Variants in RSPH14 observed in about 807,000 individuals in gnomAD.
RSPH14 encodes the protein rhabdoid tumor deletion region gene 1.
Under a neutral mutation model 26.7 loss-of-function variants are expected in RSPH14, and 20 were observed. The ratio of observed to expected loss-of-function variants is 0.75; its 90% CI spans 0.53 to 1.09. The LOEUF is 1.09. RSPH14 is among the 50% of genes least tolerant of loss of function. The probability of loss-of-function intolerance (pLI) is 0.00; values close to 1 mark genes in which losing one functional copy is unlikely to be tolerated. For synonymous variants in RSPH14, 177 were observed against 189.3 expected, an observed-to-expected ratio of 0.93 and a Z score of 0.53; for missense variants, 449 against 457.2, an observed-to-expected ratio of 0.98 and a Z score of 0.16.
Position 23,141,936 on chromosome 22 carries a change from A to G in RSPH14, c.-53+13T>C, listed in dbSNP as rs1301855292. On this transcript the variant is annotated intron_variant, in intron 1 of 6. Transcript: ENST00000216036. Reference sequence around the variant, plus strand: ...CCTGTCCCCGGGCCCCTAGCCCACCACCGCCGCCTCACCTGCCTCCGCAGC... The same window carrying G: ...CCTGTCCCCGGGCCCCTAGCCCACCGCCGCCGCCTCACCTGCCTCCGCAGC... 7.1e-6 allele frequency: 7 copies of G among 984,332 alleles called. No individual in the cohort carries two copies. The East Asian group carries it at 4.5e-4, about 64-fold the overall frequency. The allele number at this position is 984,332 out of a possible 1,614,324, so 61.0% of individuals were successfully genotyped here.
chr22:23,168,747 A>T, the RSPH14 span, among the ~76,000 whole-genome samples: 3 of 152,122 alleles, frequency 2.0e-5, no homozygotes, highest in East Asian at 5.8e-4. Flanking sequence ...GCCACCAGCC[A>T]GTGTCTAAGC....
chr22:23,179,492 A>T, the RSPH14 span, among the ~76,000 whole-genome samples: 1 of 152,210 alleles, frequency 6.6e-6, no homozygotes, highest in African/African-American at 2.4e-5. Context: ...CAGCCCTGTG[A>T]ACCTCAGTGC....
At chr22:23,110,105 G>A (rs915866453) in intron 4 of RSPH14, among the ~76,000 whole-genome samples, 2 of 152,218 alleles carry the variant, frequency 1.3e-5, no homozygotes, top group Non-Finnish European at 2.9e-5. Context: ...CCCATTTCCT[G>A]AGGCTAGTAG....
At chr22:23,133,742 A>G (rs963634553) in intron 4 of RSPH14, among the ~76,000 whole-genome samples, 10 of 152,222 alleles carry the variant, frequency 6.6e-5, no homozygotes, top group South Asian at 2.1e-4. Context: ...GGTGCCCACC[A>G]CCATGCCCAG....
the RSPH14 span, among the ~76,000 whole-genome samples, chr22:23,169,798 G>A: frequency 6.6e-6 from 1 of 152,060 alleles, no homozygotes; most frequent in Non-Finnish European, 1.5e-5. Context: ...GGGGCCTTTG[G>A]GTGAATTAGA....
intron 1 of RSPH14, among the ~76,000 whole-genome samples, 160 bp from the exon 2 acceptor site, chr22:23,140,632 C>T (rs1179520603): frequency 6.6e-6 from 1 of 152,188 alleles, no homozygotes; most frequent in Admixed American, 6.5e-5. Flanking sequence ...TGCTCAAAGT[C>T]CCAGTGAAGG....
intron 4 of RSPH14, chr22:23,070,417 G>T (rs1438302905): frequency 1.4e-5 from 2 of 147,240 alleles, no homozygotes; most frequent in African/African-American, 4.9e-5. Context: ...GCCGGCCGGA[G>T]CGTGTGCGCC....
At chr22:23,117,452 C>T (rs565930875) in intron 4 of RSPH14, among the ~76,000 whole-genome samples, 21 of 152,322 alleles carry the variant, frequency 1.4e-4, no homozygotes, top group Admixed American at 3.9e-4. Flanking sequence ...TCTGCAGCAT[C>T]GAGACCTCTC....
rs779862408 is a variant in RSPH14, at chr22:23,136,368, G to A, written c.303-2224C>T. On this transcript the variant is annotated intron_variant, in intron 3 of 6. Coordinates refer to ENST00000216036, the MANE Select transcript of RSPH14 (RefSeq NM_014433.3). ...AGAGTTTCAACCTGGGCAGTTCAGG[G>A]CAGCTACTTAGAGCTTGATGGGCTC... 84 of 661,478 alleles carry A rather than the reference G, an allele frequency of 1.3e-4. 1 individual carries two copies. The highest frequency in any genetic ancestry group is 1.4e-5 in the Non-Finnish European group (5 of 355,812). 41.0% of individuals were successfully genotyped at this position (661,478 alleles called of 1,614,324 possible).
intron 4 of RSPH14, among the ~76,000 whole-genome samples, chr22:23,081,394 C>T (rs949049649): frequency 3.9e-5 from 6 of 152,158 alleles, no homozygotes; most frequent in East Asian, 1.9e-4. Context: ...ATAAAGTACA[C>T]GTGTGTCATT....
intron 4 of RSPH14, among the ~76,000 whole-genome samples, chr22:23,087,336 C>T (rs1433849913): frequency 6.6e-6 from 1 of 152,130 alleles, no homozygotes; most frequent in Admixed American, 6.5e-5. Context: ...CGTGGTGGCG[C>T]GTGCCTGCAG....
At chr22:23,146,478 C>T (rs2146479037), upstream of RSPH14, 1 of 1,393,918 alleles carries the variant, frequency 7.2e-7, no homozygotes, top group Non-Finnish European at 9.4e-7. Flanking sequence ...TCCCAAAGTG[C>T]TGGGATTACA....
chr22:23,147,344 T>G (rs1425236740), upstream of RSPH14, among the ~76,000 whole-genome samples: 1 of 147,620 alleles, frequency 6.8e-6, no homozygotes, highest in Non-Finnish European at 1.5e-5. Flanking sequence ...TTTTTTCTTT[T>G]TTTTTTAGAG....
chr22:23,145,457 G>T (rs2070707747), upstream of RSPH14: 2 of 1,610,200 alleles, frequency 1.2e-6, no homozygotes, highest in Non-Finnish European at 1.7e-6. Context: ...CGTGTAGCCC[G>T]CAGGTCCCGC....
intron 3 of RSPH14, 66 bp downstream of exon 3, chr22:23,138,774 G>A: frequency 1.5e-6 from 2 of 1,344,550 alleles, no homozygotes; most frequent in South Asian, 1.3e-5. Context: ...AGCAGCTCAA[G>A]TGCATCCACC....
At chr22:23,176,877 C>G in the RSPH14 span, among the ~76,000 whole-genome samples, 2 of 152,216 alleles carry the variant, frequency 1.3e-5, no homozygotes, top group African/African-American at 4.8e-5. Flanking sequence ...TTGAAACTCA[C>G]TAACACGAAA....
the RSPH14 span, among the ~76,000 whole-genome samples, chr22:23,156,658 C>G: frequency 1.3e-5 from 2 of 152,188 alleles, no homozygotes; most frequent in African/African-American, 4.8e-5. Flanking sequence ...TATAAGGCAC[C>G]GATATGTCTA....
At chr22:23,175,404 C>A in the RSPH14 span, among the ~76,000 whole-genome samples, 4 of 152,194 alleles carry the variant, frequency 2.6e-5, no homozygotes, top group African/African-American at 9.6e-5. Context: ...AGTGCAGTGG[C>A]GTAATCTCCC....
intron 4 of RSPH14, among the ~76,000 whole-genome samples, chr22:23,103,651 G>A (rs933967831): frequency 9.8e-5 from 15 of 152,338 alleles, no homozygotes; most frequent in African/African-American, 2.6e-4. Flanking sequence ...TGGCTAACAC[G>A]AGACCACAAG....
Sources: gnomAD v4.1 joint callset for allele counts (sites outside exome capture counted in the v4.1 genomes callset) on GRCh38, gnomAD v4.1.1 for gene constraint, MANE v1.5 for transcripts, NCBI Gene and HGNC (gene_info 2026-07-23, HGNC 2026-07-21) for gene names.